TXK: variants seen among roughly 807,000 people sequenced by gnomAD.
TXK encodes tyrosine-protein kinase TXK.
TXK carries 60 observed loss-of-function variants against 81.0 expected under a neutral mutation model. The ratio of observed to expected loss-of-function variants is 0.74; its 90% CI spans 0.60 to 0.92. TXK has a LOEUF of 0.92. Among genes scored for constraint, TXK ranks in the 40% least tolerant of loss-of-function variants. TXK has a pLI of 0.00. For synonymous variants in TXK, 203 were observed against 210.7 expected (o/e 0.96, Z 0.32); for missense variants, 581 against 638.3 (o/e 0.91, Z 0.97).
chr4:48,112,169 C>G, intron 4 of TXK, 138 bp downstream of exon 4: 1 of 786,736 alleles, frequency 1.3e-6, no homozygotes, highest in Non-Finnish European at 2.1e-6. Flanking sequence ...TCACTGTTCT[C>G]TCATTCTCTC....
chr4:48,083,213 G>A (rs1265925747), intron 10 of TXK, among the ~76,000 whole-genome samples: 1 of 152,186 alleles, frequency 6.6e-6, no homozygotes, highest in Non-Finnish European at 1.5e-5. Context: ...GAGCCCAAAA[G>A]CACTCACCCT....
chr4:48,074,046 A>G lies in TXK; in HGVS notation c.1246T>C (p.Leu416=). 1.9e-6 allele frequency: 3 copies of G among 1,611,868 alleles called. No homozygotes were observed. The highest frequency in any genetic ancestry group is 2.5e-6 in the Non-Finnish European group (3 of 1,178,118). The change falls in exon 13 of 15, where the codon TTG becomes CTG. Residue 416 remains leucine (L), a synonymous_variant. Transcript: ENST00000264316. The stretch of plus-strand genomic sequence containing the variant: ...AAAGAACTGACATACTCATCATCCA[A>G]AACGTACCTAAGTTTATCAGATTCA... ...ISDFGMTRYV[L]DDEYVSSFGA...
At chr4:48,112,674 CT>C (rs757664682) in intron 3 of TXK, among the ~76,000 whole-genome samples, 162 bp from the exon 4 acceptor site, 3 of 152,180 alleles carry the variant, frequency 2.0e-5, no homozygotes, top group Non-Finnish European at 4.4e-5. Context: ...AACTATAAAA[CT>C]CCTTTAGGAT....
chr4:48,124,026 C>G (rs1226564880), intron 1 of TXK, among the ~76,000 whole-genome samples: 1 of 152,184 alleles, frequency 6.6e-6, no homozygotes, highest in Non-Finnish European at 1.5e-5. Context: ...CACCTATGCC[C>G]TGTCCCAAAT....
chr4:48,120,294 T>C (rs934797233), intron 1 of TXK, among the ~76,000 whole-genome samples: 3 of 149,328 alleles, frequency 2.0e-5, no homozygotes, highest in African/African-American at 7.3e-5. Flanking sequence ...TGTATATATA[T>C]GCAGTTACTT....
chr4:48,096,790 A>G (rs1353523241), intron 6 of TXK, among the ~76,000 whole-genome samples: 1 of 152,184 alleles, frequency 6.6e-6, no homozygotes, highest in East Asian at 1.9e-4. Context: ...CAGCCTCCCA[A>G]AATGCTGGGA....
At chr4:48,110,305 GT>G (rs1430716368) in intron 5 of TXK, among the ~76,000 whole-genome samples, 1 of 152,148 alleles carries the variant, frequency 6.6e-6, no homozygotes, top group African/African-American at 2.4e-5. Flanking sequence ...GAGTGTTTGG[GT>G]TCAGGCTGTC....
intron 8 of TXK, among the ~76,000 whole-genome samples, chr4:48,092,936 G>A (rs1403627175): frequency 1.3e-5 from 2 of 152,192 alleles, no homozygotes; most frequent in Non-Finnish European, 2.9e-5. Flanking sequence ...AATGGTAAAA[G>A]TTTGAACAGG....
At chr4:48,128,802 C>T (rs187480958) in intron 1 of TXK, among the ~76,000 whole-genome samples, 106 of 151,960 alleles carry the variant, frequency 7.0e-4, no homozygotes, top group African/African-American at 2.3e-3. Context: ...CTCCTGACCT[C>T]GTGATCCACC....
At chr4:48,102,244 G>A (rs1718224139) in intron 6 of TXK, among the ~76,000 whole-genome samples, 1 of 152,168 alleles carries the variant, frequency 6.6e-6, no homozygotes, top group Non-Finnish European at 1.5e-5. Context: ...CTCCCGAAGT[G>A]CTGGGATTAC....
chr4:48,074,137 G>C, intron 12 of TXK, 84 bp from the exon 13 acceptor site: 1 of 1,046,814 alleles, frequency 9.6e-7, no homozygotes, highest in Non-Finnish European at 1.4e-6. Context: ...ACTCTAAGTT[G>C]CTAAAAGACA....
intron 14 of TXK, among the ~76,000 whole-genome samples, chr4:48,068,766 C>G (rs529058267): frequency 1.9e-4 from 29 of 152,280 alleles, no homozygotes; most frequent in Admixed American, 5.9e-4. Context: ...TAGCCACATT[C>G]TCACAGGGGT....
intron 1 of TXK, among the ~76,000 whole-genome samples, chr4:48,115,973 A>C (rs1403412200): frequency 6.6e-6 from 1 of 152,240 alleles, no homozygotes; most frequent in Non-Finnish European, 1.5e-5. Flanking sequence ...GCAGCAGAGT[A>C]CCTTAGAGGT....
intron 5 of TXK, among the ~76,000 whole-genome samples, chr4:48,108,323 T>A (rs1483169170): frequency 6.6e-6 from 1 of 152,190 alleles, no homozygotes; most frequent in African/African-American, 2.4e-5. Flanking sequence ...TTCCTGTTAG[T>A]TTCATAGTTC....
At chr4:48,105,951 A>G (rs2109459589) in intron 5 of TXK, 1 of 152,364 alleles carries the variant, frequency 6.6e-6, no homozygotes, top group East Asian at 1.9e-4. Flanking sequence ...ACTGTAAGCT[A>G]AACATACAGT....
intron 11 of TXK, among the ~76,000 whole-genome samples, 179 bp downstream of exon 11, chr4:48,079,733 A>C (rs1717219360): frequency 6.6e-6 from 1 of 152,238 alleles, no homozygotes. Context: ...CGGCCTTTAC[A>C]GCTACAGCAT....
chr4:48,114,645 TGTGA>T, intron 1 of TXK: 1 of 516,244 alleles, frequency 1.9e-6, no homozygotes, highest in Non-Finnish European at 3.5e-6. Flanking sequence ...TTCCTCAGTC[TGTGA>T]GTGATAAATG....
chr4:48,067,638 C>G lies in TXK; in HGVS notation c.1583G>C (p.Ter528SerextTer37). ...TTTGGGTTGGCATTCTGTTTCCGGT[C>G]ACCAGGTTTCCGCAATCTCTGTGAC... ...RAVTEIAETW[*>S] The change falls in exon 15 of 15, where the codon TGA becomes TCA. Residue 528 changes from the stop codon to serine, a stop_lost. Transcript: ENST00000264316. 1 of 1,614,018 alleles carries G rather than the reference C, an allele frequency of 6.2e-7. No homozygotes were observed. The highest frequency in any genetic ancestry group is 8.5e-7 in the Non-Finnish European group (1 of 1,179,988).
Position 48,076,441 on chromosome 4 carries a change from G to A in TXK, c.1199C>T (p.Ser400Leu), listed in dbSNP as rs751936915. The change falls in exon 12 of 15, where the codon TCA becomes TTA. Residue 400 changes from serine to leucine, a missense_variant. By Grantham distance (145) the Ser-to-Leu change is moderately radical (BLOSUM62 -2). Transcript: ENST00000264316. The part of the protein sequence containing the change: ...DLAARNCLVS[S>L]TCIVKISDFG... ...GTCTGAAATTTTTACTATGCATGTT[G>A]AACTGACCAAACAATTCCTTGCCGC... The A allele has an allele frequency of 5.0e-6, 8 of 1,612,996 alleles. No homozygotes were observed. The highest frequency in any genetic ancestry group is 6.8e-6 in the Non-Finnish European group (8 of 1,179,564).
Sources: gnomAD v4.1 joint callset for allele counts (sites outside exome capture counted in the v4.1 genomes callset) on GRCh38, gnomAD v4.1.1 for gene constraint, MANE v1.5 for transcripts, NCBI Gene and HGNC (gene_info 2026-07-23, HGNC 2026-07-21) for gene names.